DYNC2LI1: variants seen among roughly 807,000 people sequenced by gnomAD.
DYNC2LI1 encodes the protein cytoplasmic dynein 2 light intermediate chain 1.
A neutral mutation model predicts 51.9 loss-of-function variants in DYNC2LI1; 45 were observed. The ratio of observed to expected loss-of-function variants is 0.87; its 90% confidence interval spans 0.68 to 1.11. DYNC2LI1 has a LOEUF of 1.11. Among genes scored for constraint, DYNC2LI1 ranks in the 50% most tolerant of loss-of-function variants. The pLI is 0.00. For synonymous variants in DYNC2LI1, 130 were observed against 137.8 expected (o/e 0.94, Z 0.40); for missense variants, 490 against 417.4 (o/e 1.17, Z -1.51).
intron 8 of DYNC2LI1, among the ~76,000 whole-genome samples, chr2:43,799,062 G>A (rs1025658352): frequency 1.3e-5 from 2 of 152,178 alleles, no homozygotes; most frequent in Non-Finnish European, 2.9e-5. Context: ...AACACTTGGA[G>A]GGTGAGGTGG....
At chr2:43,823,599 G>A in the DYNC2LI1 span, among the ~76,000 whole-genome samples, 3 of 152,056 alleles carry the variant, frequency 2.0e-5, no homozygotes, top group Admixed American at 2.0e-4. Context: ...GCACCCCATG[G>A]GCTGTGCATC....
intron 3 of DYNC2LI1, among the ~76,000 whole-genome samples, chr2:43,786,586 G>A (rs1472611397): frequency 1.3e-5 from 2 of 152,086 alleles, no homozygotes; most frequent in Non-Finnish European, 2.9e-5. Context: ...CGGATCACGA[G>A]GTCAGGAGAT....
intron 12 of DYNC2LI1, among the ~76,000 whole-genome samples, chr2:43,808,650 G>T (rs1666361712): frequency 6.6e-6 from 1 of 152,148 alleles, no homozygotes; most frequent in East Asian, 1.9e-4. Context: ...TATACTCCTT[G>T]TGAAAAAATT....
intron 8 of DYNC2LI1, among the ~76,000 whole-genome samples, chr2:43,798,624 C>T (rs768680048): frequency 1.3e-5 from 2 of 152,166 alleles, no homozygotes; most frequent in East Asian, 3.8e-4. Context: ...GTCAGGTCAA[C>T]GCAGTCCACA....
At chr2:43,805,808 C>T (rs1169093376) in intron 12 of DYNC2LI1, among the ~76,000 whole-genome samples, 1 of 152,092 alleles carries the variant, frequency 6.6e-6, no homozygotes, top group African/African-American at 2.4e-5. Flanking sequence ...CATTTGAACA[C>T]ACAAGTCTGA....
intron 2 of DYNC2LI1, among the ~76,000 whole-genome samples, chr2:43,777,626 C>T (rs911308278): frequency 6.6e-6 from 1 of 152,244 alleles, no homozygotes; most frequent in African/African-American, 2.4e-5. Context: ...ACTTTCTGTG[C>T]TCCATGCTTC....
the DYNC2LI1 span, among the ~76,000 whole-genome samples, chr2:43,820,594 C>T: frequency 6.6e-6 from 1 of 152,166 alleles, no homozygotes; most frequent in Non-Finnish European, 1.5e-5. Flanking sequence ...GGTTAGCCCT[C>T]CCCAGCCCTA....
rs1362975017 is a variant in DYNC2LI1 at position 43,774,086 on chromosome 2, A to C, written c.-53A>C. 6 of 1,611,698 alleles carry C rather than the reference A, an allele frequency of 3.7e-6. No individual in the cohort carries two copies. Among genetic ancestry groups the C allele is most frequent in the Non-Finnish European group, 5.1e-6 (6 of 1,178,992 alleles). ...CTTGCGGAGCTCGCCGCCTGATTCTAGGCTGGTCACTACTCCGAGCCTGTG... is the reference window on the plus strand; with the variant it reads ...CTTGCGGAGCTCGCCGCCTGATTCTCGGCTGGTCACTACTCCGAGCCTGTG... On this transcript the variant is annotated 5_prime_UTR_variant, in exon 1 of 13. Coordinates refer to ENST00000260605, the MANE Select transcript of DYNC2LI1 (RefSeq NM_016008.4).
At chr2:43,788,851 C>A (rs1254919383) in intron 4 of DYNC2LI1, among the ~76,000 whole-genome samples, 5 of 152,164 alleles carry the variant, frequency 3.3e-5, no homozygotes, top group African/African-American at 1.2e-4. Context: ...CCAGACTGAC[C>A]TTGAACTCCT....
At chr2:43,791,363 C>G (rs991016940) in intron 5 of DYNC2LI1, among the ~76,000 whole-genome samples, 3 of 152,200 alleles carry the variant, frequency 2.0e-5, no homozygotes, top group Admixed American at 6.5e-5. Flanking sequence ...TATTACCTCA[C>G]TCCCCTTCTT....
chr2:43,779,115 C>T (rs369470956), intron 2 of DYNC2LI1, among the ~76,000 whole-genome samples: 8 of 151,916 alleles, frequency 5.3e-5, no homozygotes, highest in East Asian at 1.9e-4. Context: ...AACAATTAGC[C>T]GGGTGTGGTG....
chr2:43,813,006 A>T, downstream of DYNC2LI1: 1 of 716,366 alleles, frequency 1.4e-6, no homozygotes, highest in Non-Finnish European at 2.6e-6. Context: ...TGGTTAAAAG[A>T]CTTGAGATGT....
the DYNC2LI1 span, chr2:43,824,482 A>G: frequency 2.4e-5 from 38 of 1,602,930 alleles, no homozygotes; most frequent in African/African-American, 4.5e-4. Flanking sequence ...AAATGCATGT[A>G]TGTACATGGA....
At chr2:43,811,287 T>G (rs1210899623), downstream of DYNC2LI1, among the ~76,000 whole-genome samples, 2 of 152,236 alleles carry the variant, frequency 1.3e-5, no homozygotes, top group East Asian at 3.8e-4. Flanking sequence ...CAAAGACCTT[T>G]TATAAAAATT....
At chr2:43,796,007 C>A in intron 7 of DYNC2LI1, 49 bp downstream of exon 7, 4 of 1,314,962 alleles carry the variant, frequency 3.0e-6, no homozygotes, top group Non-Finnish European at 2.1e-6. Context: ...TATGGCTGTG[C>A]TTTTTATGAG....
chr2:43,798,748 G>A (rs1351414869), intron 8 of DYNC2LI1, among the ~76,000 whole-genome samples: 1 of 152,160 alleles, frequency 6.6e-6, no homozygotes, highest in Admixed American at 6.5e-5. Flanking sequence ...CAGGGTTTGG[G>A]TTAGTGGAGT....
the DYNC2LI1 span, among the ~76,000 whole-genome samples, chr2:43,817,607 C>G: frequency 6.6e-6 from 1 of 151,840 alleles, no homozygotes; most frequent in East Asian, 2.0e-4. Flanking sequence ...TGAAAATATT[C>G]TAAGTTAAAA....
rs745930390 is a variant in DYNC2LI1 at position 43,796,760 on chromosome 2, C to T, written c.619C>T (p.Arg207Ter). The T allele has an allele frequency of 5.2e-5, 84 of 1,613,484 alleles. No individual in the cohort carries two copies. The highest frequency in any genetic ancestry group is 5.8e-5 in the Non-Finnish European group (69 of 1,179,784). Reference protein sequence around the residue: ...EKRKVICKTLRFVAHYYGASL... With the variant: ...EKRKVICKTL ...GAGAAAGGTAATATGCAAGACACTT[C>T]GATTTGTTGCACATTATTATGGAGC... The change falls in exon 8 of 13, where the codon CGA (arginine) becomes TGA (stop). Residue 207 changes from arginine to a stop codon, truncating the protein, a stop_gained. Coordinates refer to ENST00000260605, the MANE Select transcript of DYNC2LI1 (RefSeq NM_016008.4). LOFTEE classifies it high-confidence loss of function.
intron 1 of DYNC2LI1, chr2:43,775,804 C>A: frequency 3.5e-6 from 1 of 285,678 alleles, no homozygotes. Flanking sequence ...TCTCATGCCT[C>A]AGCCTCCTGA....
Sources: gnomAD v4.1 joint callset for allele counts (sites outside exome capture counted in the v4.1 genomes callset) on GRCh38, gnomAD v4.1.1 for gene constraint, MANE v1.5 for transcripts, NCBI Gene and HGNC (gene_info 2026-07-23, HGNC 2026-07-21) for gene names.